TRPM8: variants seen among roughly 807,000 people sequenced by gnomAD.
TRPM8 encodes transient receptor potential cation channel subfamily M member 8.
TRPM8 carries 110 observed loss-of-function variants against 133.7 expected under a neutral mutation model. That is an observed-to-expected ratio of 0.82 (90% CI 0.70 to 0.96). TRPM8 has a LOEUF of 0.96. TRPM8 is among the 40% of genes least tolerant of loss of function. The pLI is 0.00. For missense variants in TRPM8, 1,291 were observed against 1,379.5 expected, an observed-to-expected ratio of 0.94 and a Z score of 1.02; for synonymous variants, 535 against 532.3, an observed-to-expected ratio of 1.01 and a Z score of -0.07.
chr2:233,980,484 A>C (rs534362079), intron 18 of TRPM8, among the ~76,000 whole-genome samples: 1 of 152,290 alleles, frequency 6.6e-6, no homozygotes, highest in East Asian at 1.9e-4. Context: ...TGTGTAATTT[A>C]AAAGGGGTCC....
chr2:233,985,606 A>G (rs1559542143), intron 20 of TRPM8, 82 bp from the exon 21 acceptor site: 3 of 1,347,558 alleles, frequency 2.2e-6, no homozygotes, highest in Admixed American at 1.8e-5. Flanking sequence ...GACCACTGAC[A>G]TGTTCTTGTG....
At position 233,954,008 on chromosome 2, in the gene TRPM8, C is replaced by T. The variant is rs1260349979; in HGVS notation, c.1232C>T (p.Ala411Val). Residue 411 changes from alanine to valine, a missense_variant, in exon 10 of 26, where the codon GCT (alanine) becomes GTT (valine). Physicochemically the swap from Ala to Val is moderately conservative, Grantham distance 64. Around this residue, in one of 2 missense-constraint regions of TRPM8, gnomAD observed 963 missense variants for 968.9 expected, o/e 0.99. Coordinates refer to ENST00000324695, the MANE Select transcript of TRPM8 (RefSeq NM_024080.5). ...ATTGTGAGCAATGCCATCTCCTACG[C>T]TCTATACAAAGGTGAGTAAAAATAG... ...DEIVSNAISYALYKAFSTSEQ... is the reference protein window; with the variant it reads ...DEIVSNAISYVLYKAFSTSEQ... The T allele has an allele frequency of 1.2e-6, 2 of 1,612,770 alleles. No homozygotes were observed. Among genetic ancestry groups the T allele is most frequent in the South Asian group, 2.2e-5 (2 of 90,802 alleles).
At chr2:233,923,270 C>T (rs1474132332) in intron 1 of TRPM8, among the ~76,000 whole-genome samples, 1 of 152,208 alleles carries the variant, frequency 6.6e-6, no homozygotes, top group Non-Finnish European at 1.5e-5. Flanking sequence ...ATTGTGAAGA[C>T]TCAAATCTTT....
At chr2:233,944,568 A>C (rs898280026) in intron 6 of TRPM8, among the ~76,000 whole-genome samples, 7 of 152,228 alleles carry the variant, frequency 4.6e-5, no homozygotes, top group African/African-American at 1.7e-4. Context: ...AAATTAAGAA[A>C]CAACCAACCA....
intron 2 of TRPM8, among the ~76,000 whole-genome samples, chr2:233,929,092 T>C (rs758277): frequency 0.68 from 103,109 of 150,838 alleles, 36,693 homozygotes; most frequent in African/African-American, 0.89. Flanking sequence ...CTATGCTGTG[T>C]CCTACTGTGT....
intron 2 of TRPM8, among the ~76,000 whole-genome samples, chr2:233,927,923 TTTCTCTCTC>T (rs1691593659): frequency 2.5e-5 from 1 of 40,504 alleles, no homozygotes; most frequent in African/African-American, 1.8e-4. Flanking sequence ...TCTCTCTCTC[TTTCTCTCTC>T]TCTCTCTCTC....
chr2:233,966,849 T>C (rs1259744296), intron 15 of TRPM8, 94 bp downstream of exon 15: 1 of 1,389,640 alleles, frequency 7.2e-7, no homozygotes, highest in African/African-American at 1.5e-5. Flanking sequence ...AAAACAAACC[T>C]TATTCTCCAA....
At chr2:234,005,927 T>TACACACACACACACACACACACAC (rs35379195) in intron 22 of TRPM8, among the ~76,000 whole-genome samples, 1 of 136,008 alleles carries the variant, frequency 7.4e-6, no homozygotes, top group African/African-American at 2.9e-5. Flanking sequence ...AAACGTCATC[T>TACACACACACACACACACACACAC]ACACACACAC....
chr2:233,921,168 T>C (rs187178436), intron 1 of TRPM8, among the ~76,000 whole-genome samples: 1 of 152,282 alleles, frequency 6.6e-6, no homozygotes, highest in Admixed American at 6.5e-5. Flanking sequence ...GCCCCAGATT[T>C]CACCACTTGG....
chr2:233,996,318 C>G lies in TRPM8; in HGVS notation c.2940-8C>G. 1 of 1,613,594 alleles carries G rather than the reference C, an allele frequency of 6.2e-7. No individual in the cohort carries two copies. Among genetic ancestry groups the G allele is most frequent in the Non-Finnish European group, 8.5e-7 (1 of 1,179,722 alleles). ...GCTAAGTCTTGGCCTTCTCTCTTCC[C>G]TCACCAGCTACACGGTGGGCACCGT... On this transcript the variant is annotated splice_polypyrimidine_tract_variant and splice_region_variant and intron_variant, in intron 21 of 25. Transcript: ENST00000324695.
Position 233,981,944 on chromosome 2 carries a change from A to G in TRPM8, c.2589+29A>G, listed in dbSNP as rs142199338. ...AGAGTCAAGAATATTTGTAGTCATC[A>G]TTTTTCTTGCGGGGCCCAGAGTTCT... is the stretch of plus-strand genomic sequence containing the variant. On this transcript the variant is annotated intron_variant, in intron 19 of 25. Transcript: ENST00000324695. 155 of 1,567,850 alleles carry G rather than the reference A, an allele frequency of 9.9e-5. No individual in the cohort carries two copies. In the East Asian group the frequency reaches 3.3e-3, roughly 33 times the overall value.
chr2:233,967,043 AT>A (rs1691594460), intron 15 of TRPM8, among the ~76,000 whole-genome samples: 1 of 152,200 alleles, frequency 6.6e-6, no homozygotes, highest in Non-Finnish European at 1.5e-5. Context: ...CTGGGTCTCC[AT>A]CCGCTGTACC....
chr2:233,962,198 A>G (rs11563211), intron 12 of TRPM8, among the ~76,000 whole-genome samples: 32,440 of 152,060 alleles, frequency 0.21, 7,119 homozygotes, highest in African/African-American at 0.54. Flanking sequence ...AATCCTGCAG[A>G]ACTTCTCATT....
At chr2:233,972,811 A>G (rs1691765147) in intron 17 of TRPM8, among the ~76,000 whole-genome samples, 3 of 152,014 alleles carry the variant, frequency 2.0e-5, no homozygotes, top group Non-Finnish European at 4.4e-5. Context: ...TCTGGCCCGC[A>G]AGCTCCACAC....
At chr2:233,978,948 C>T (rs1003102842) in intron 17 of TRPM8, among the ~76,000 whole-genome samples, 4 of 152,148 alleles carry the variant, frequency 2.6e-5, no homozygotes, top group African/African-American at 9.7e-5. Context: ...GAATCCCTTC[C>T]ACATCTGAGA....
chr2:233,947,936 T>A (rs1359928433), intron 8 of TRPM8, among the ~76,000 whole-genome samples: 1 of 152,174 alleles, frequency 6.6e-6, no homozygotes, highest in Non-Finnish European at 1.5e-5. Flanking sequence ...CCATAGGTAG[T>A]TTAAAAAAAG....
intron 22 of TRPM8, among the ~76,000 whole-genome samples, chr2:234,002,976 T>A (rs923732109): frequency 6.6e-6 from 1 of 152,196 alleles, no homozygotes; most frequent in African/African-American, 2.4e-5. Flanking sequence ...ATCTCAAATA[T>A]TTTGAAGATT....
In TRPM8 at chr2:233,983,206, G is replaced by A. The variant is rs149328116; in HGVS notation, c.2743G>A (p.Val915Met). The A allele has an allele frequency of 2.8e-3, 4,558 of 1,614,188 alleles. 15 individuals carry two copies. Among genetic ancestry groups the A allele is most frequent in the Non-Finnish European group, 3.6e-3 (4,217 of 1,180,024 alleles). The change falls in exon 20 of 26, where the codon GTG (valine) becomes ATG (methionine). Residue 915 changes from valine (V) to methionine (M), a missense_variant. Val to Met is a conservative substitution (Grantham distance 21). Transcript: ENST00000324695. ...YEPYLAMFGQ[V>M]PSDVDGTTYD... is the part of the protein sequence containing the mutation. ...GCCCTACCTGGCCATGTTCGGCCAG[G>A]TGCCCAGTGACGTGGATGGTAAGCC...
At position 233,949,929 on chromosome 2, in the gene TRPM8, A is replaced by T. The variant is rs1691132783; in HGVS notation, c.943-20A>T. On this transcript the variant is annotated intron_variant, in intron 8 of 25. Coordinates refer to ENST00000324695, the MANE Select transcript of TRPM8 (RefSeq NM_024080.5). ...TGGACCAAGGTCTCTGATCTGTCTG[A>T]CTCTGTCTCCTTCCTCCAGGCCATC... The T allele has an allele frequency of 1.2e-6, 2 of 1,612,910 alleles. No individual in the cohort carries two copies. Among genetic ancestry groups the T allele is most frequent in the East Asian group, 2.2e-5 (1 of 44,864 alleles).
Sources: gnomAD v4.1 joint callset for allele counts (sites outside exome capture counted in the v4.1 genomes callset) on GRCh38, gnomAD v4.1.1 for gene constraint, gnomAD v4.1.1 regional missense constraint, MANE v1.5 for transcripts, NCBI Gene and HGNC (gene_info 2026-07-23, HGNC 2026-07-21) for gene names.